The following SNTN variants were observed in gnomAD, a reference collection of about 807,000 sequenced individuals.
SNTN encodes sentan.
Under a neutral mutation model 12.3 loss-of-function variants are expected in SNTN, and 13 were observed. That is an observed-to-expected ratio of 1.05 (90% confidence interval 0.69 to 1.67). The LOEUF is 1.67. SNTN is among the 40% of genes most tolerant of loss of function. SNTN has a pLI of 0.00. For missense variants in SNTN, 189 were observed against 169.8 expected, an observed-to-expected ratio of 1.11 and a Z score of -0.63; for synonymous variants, 69 against 58.5, an observed-to-expected ratio of 1.18 and a Z score of -0.82.
intron 3 of SNTN, among the ~76,000 whole-genome samples, chr3:63,660,772 T>C (rs1349333378): frequency 1.3e-5 from 2 of 152,098 alleles, no homozygotes. Flanking sequence ...TGTGTCAGTG[T>C]TTAGATGTCC....
intron 1 of SNTN, 37 bp downstream of exon 1, chr3:63,652,834 T>G (rs1700635535): frequency 6.3e-7 from 1 of 1,578,848 alleles, no homozygotes. Context: ...TGAGTTTCAT[T>G]TAAGCTTGCA....
At chr3:63,656,507 A>G (rs140038614) in intron 2 of SNTN, among the ~76,000 whole-genome samples, 20 of 152,288 alleles carry the variant, frequency 1.3e-4, no homozygotes, top group African/African-American at 2.4e-4. Flanking sequence ...AAATATCCCA[A>G]TAATTTGTTT....
At chr3:63,653,773 T>C (rs529112735) in intron 1 of SNTN, among the ~76,000 whole-genome samples, 9 of 152,338 alleles carry the variant, frequency 5.9e-5, no homozygotes, top group African/African-American at 2.2e-4. Context: ...CATGAAATAA[T>C]TTCCTAAAAT....
At chr3:63,655,555 C>T (rs1306020862) in intron 2 of SNTN, among the ~76,000 whole-genome samples, 1 of 152,168 alleles carries the variant, frequency 6.6e-6, no homozygotes, top group Non-Finnish European at 1.5e-5. Context: ...ACTTCAGGCA[C>T]TTTTGAGAAT....
chr3:63,655,039 T>A (rs1318461167), intron 2 of SNTN, among the ~76,000 whole-genome samples: 1 of 152,152 alleles, frequency 6.6e-6, no homozygotes, highest in Non-Finnish European at 1.5e-5. Flanking sequence ...ATGGATCCCC[T>A]GGCTCCTAAT....
intron 3 of SNTN, among the ~76,000 whole-genome samples, chr3:63,663,392 C>T (rs751036700): frequency 6.6e-6 from 1 of 152,170 alleles, no homozygotes; most frequent in Non-Finnish European, 1.5e-5. Context: ...TTACTGGTAG[C>T]ATTGTTGGCA....
chr3:63,661,026 C>G (rs74595022), intron 3 of SNTN, among the ~76,000 whole-genome samples: 1 of 152,162 alleles, frequency 6.6e-6, no homozygotes, highest in Admixed American at 6.5e-5. Context: ...TATGTTTTCT[C>G]TCTACTTAAG....
intron 2 of SNTN, among the ~76,000 whole-genome samples, chr3:63,657,693 G>A (rs1167659235): frequency 6.6e-6 from 1 of 152,192 alleles, no homozygotes; most frequent in East Asian, 1.9e-4. Context: ...TCAGAGTGCA[G>A]TCAGACCTGA....
chr3:63,659,018 T>C (rs924067), intron 2 of SNTN, among the ~76,000 whole-genome samples: 118,232 of 152,004 alleles, frequency 0.78, 46,081 homozygotes, highest in East Asian at 0.87. Flanking sequence ...ACATGTAATA[T>C]CTGTAAAGGG....
Position 63,659,729 on chromosome 3 carries a change from G to A in SNTN, c.150G>A (p.Leu50=), listed in dbSNP as rs373355876. 223 of 1,613,876 alleles carry A rather than the reference G, an allele frequency of 1.4e-4. No homozygotes were observed. Among genetic ancestry groups the A allele is most frequent in the Admixed American group, 1.0e-3 (61 of 60,002 alleles). The change falls in exon 3 of 4, where the codon CTG becomes CTA. Residue 50 remains leucine, a synonymous_variant. Coordinates refer to ENST00000343837, the MANE Select transcript of SNTN (RefSeq NM_001080537.2). ...ISKQLASVKA[L]RKCSDLEKAI... ...TCCACATTTCTTCTCTCCTAGCTCT[G>A]AGGAAGTGCTCAGATCTGGAAAAAG... is the stretch of plus-strand genomic sequence containing the variant.
chr3:63,653,300 C>G (rs1255277942), intron 1 of SNTN, among the ~76,000 whole-genome samples: 1 of 151,982 alleles, frequency 6.6e-6, no homozygotes, highest in Non-Finnish European at 1.5e-5. Flanking sequence ...TCAAGGGTCT[C>G]ACAGACCCTT....
In SNTN at chr3:63,659,769, G is replaced by T. The variant is rs1406795849; in HGVS notation, c.190G>T (p.Ala64Ser). Reference sequence around the variant, plus strand: ...TCTGGAAAAAGCTATTGCCACCACTGCTCTGATTTTCAGAAATTCTTCTGA... The same window carrying T: ...TCTGGAAAAAGCTATTGCCACCACTTCTCTGATTTTCAGAAATTCTTCTGA... Reference protein sequence around the residue: ...SDLEKAIATTALIFRNSSDSD... With the variant: ...SDLEKAIATTSLIFRNSSDSD... Residue 64 changes from alanine to serine, a missense_variant, in exon 3 of 4, where the codon GCT (alanine) becomes TCT (serine). Physicochemically the swap from Ala to Ser is moderately conservative, Grantham distance 99 (BLOSUM62 1). Transcript: ENST00000343837. The T allele has an allele frequency of 6.2e-7, 1 of 1,613,824 alleles. No individual in the cohort carries two copies. The highest frequency in any genetic ancestry group is 8.5e-7 in the Non-Finnish European group (1 of 1,179,906).
chr3:63,664,235 C>T lies in SNTN; in HGVS notation c.*140C>T. 1 of 723,342 alleles carries T rather than the reference C, an allele frequency of 1.4e-6. No individual in the cohort carries two copies. Among genetic ancestry groups the T allele is most frequent in the South Asian group, 2.1e-5 (1 of 48,560 alleles). 44.8% of individuals were successfully genotyped at this position (723,342 alleles called of 1,614,324 possible). On this transcript the variant is annotated 3_prime_UTR_variant, in exon 4 of 4. Transcript: ENST00000343837. ...GGTTCTGATTGCTGGTATTCAGATC[C>T]AATGTAACTCCAAATATTTACCCAT...
At chr3:63,652,860 A>C (rs1700635715) in intron 1 of SNTN, 63 bp downstream of exon 1, 1 of 1,492,820 alleles carries the variant, frequency 6.7e-7, no homozygotes, top group Non-Finnish European at 9.3e-7. Context: ...ATTTCCAAAG[A>C]GTTTATGTCA....
chr3:63,653,647 A>T (rs1328199579), intron 1 of SNTN, among the ~76,000 whole-genome samples: 1 of 152,070 alleles, frequency 6.6e-6, no homozygotes, highest in East Asian at 1.9e-4. Context: ...CTCAAAAAAC[A>T]CTCCAGCCAT....
At chr3:63,659,026 G>A (rs949164952) in intron 2 of SNTN, among the ~76,000 whole-genome samples, 4 of 152,058 alleles carry the variant, frequency 2.6e-5, no homozygotes, top group Non-Finnish European at 1.5e-5. Context: ...TATCTGTAAA[G>A]GGTGATAAGT....
rs761670770 is a variant in SNTN at position 63,659,755 on chromosome 3, C to T, written c.176C>T (p.Ala59Val). 1.9e-6 allele frequency: 3 copies of T among 1,613,854 alleles called. No individual in the cohort carries two copies. The highest frequency in any genetic ancestry group is 2.7e-5 in the African/African-American group (2 of 74,926). Residue 59 changes from alanine (A) to valine (V), a missense_variant, in exon 3 of 4, where the codon GCT (alanine) becomes GTT (valine). By Grantham distance (64) the Ala-to-Val change is moderately conservative (BLOSUM62 0). Coordinates refer to ENST00000343837, the MANE Select transcript of SNTN (RefSeq NM_001080537.2). ...ALRKCSDLEK[A>V]IATTALIFRN... Reference sequence around the variant, plus strand: ...AGGAAGTGCTCAGATCTGGAAAAAGCTATTGCCACCACTGCTCTGATTTTC... The same window carrying T: ...AGGAAGTGCTCAGATCTGGAAAAAGTTATTGCCACCACTGCTCTGATTTTC...
Position 63,664,132 on chromosome 3 carries a change from G to A in SNTN, c.*37G>A. On this transcript the variant is annotated 3_prime_UTR_variant, in exon 4 of 4. Coordinates refer to ENST00000343837, the MANE Select transcript of SNTN (RefSeq NM_001080537.2). ...TATGCTGTATAAAATAATGGCAAAA[G>A]ACAGTGTTATTAAAATGTTTCCATC... 1 of 1,513,064 alleles carries A rather than the reference G, an allele frequency of 6.6e-7. No individual in the cohort carries two copies. The highest frequency in any genetic ancestry group is 1.3e-5 in the South Asian group (1 of 79,834). The allele number at this position is 1,513,064 out of a possible 1,614,324, so 93.7% of individuals were successfully genotyped here. A position where few individuals can be genotyped will look rare whatever the true frequency, so the allele number is the denominator to read the frequency against.
intron 2 of SNTN, among the ~76,000 whole-genome samples, chr3:63,657,645 A>G (rs1427702311): frequency 6.6e-6 from 1 of 152,152 alleles, no homozygotes; most frequent in Non-Finnish European, 1.5e-5. Context: ...ATGCAGGAAA[A>G]GAATGGGAAG....
Sources: allele counts gnomAD v4.1 joint callset (sites outside exome capture counted in the v4.1 genomes callset), GRCh38; gene constraint gnomAD v4.1.1; transcripts MANE v1.5; gene names NCBI Gene and HGNC (gene_info 2026-07-23, HGNC 2026-07-21).